The following GALNS variants were observed in gnomAD, a reference collection of about 807,000 sequenced individuals.
GALNS encodes N-acetylgalactosamine-6-sulfatase.
In GALNS, 65 loss-of-function variants were observed where a neutral mutation model predicts 65.9. That is an observed-to-expected ratio of 0.99 (90% CI 0.81 to 1.21). The LOEUF (loss-of-function observed/expected upper bound fraction) is 1.21. Ranked by LOEUF, GALNS falls within the 50% of genes most tolerant of loss-of-function variation. The pLI, the probability that GALNS is intolerant of heterozygous loss-of-function variation, is 0.00. For synonymous variants in GALNS, 346 were observed against 288.9 expected (o/e 1.20, Z -2.00); for missense variants, 776 against 700.7 (o/e 1.11, Z -1.21).
At chr16:88,818,934 A>G (rs1212308967) in intron 12 of GALNS, among the ~76,000 whole-genome samples, 1 of 152,038 alleles carries the variant, frequency 6.6e-6, no homozygotes, top group Non-Finnish European at 1.5e-5. Context: ...CGGAGCAGCC[A>G]CTCTGGAAGG....
At chr16:88,836,063 G>C (rs2269335) in intron 6 of GALNS, 138 bp downstream of exon 6, 2 of 1,036,318 alleles carry the variant, frequency 1.9e-6, no homozygotes, top group Non-Finnish European at 2.9e-6. Flanking sequence ...CGGGGCGAGG[G>C]TGATGAGGTC....
chr16:88,856,775 G>C lies in GALNS; in HGVS notation c.103C>G (p.Leu35Val). Reference sequence around the variant, plus strand: ...GCACTCACGTCGTCCATGAGCAGGAGCAGGATGTTGGGGGGCTGCGGGGCG... The same window carrying C: ...GCACTCACGTCGTCCATGAGCAGGACCAGGATGTTGGGGGGCTGCGGGGCG... ...SGAPQPPNIL[L>V]LLMDDMGWGD... The change falls in exon 1 of 14, where the codon CTC becomes GTC. Residue 35 changes from leucine to valine, a missense_variant. Physicochemically the swap from Leu to Val is conservative, Grantham distance 32. Transcript: ENST00000268695. The C allele has an allele frequency of 1.3e-6, 2 of 1,545,136 alleles. No individual in the cohort carries two copies. Among genetic ancestry groups the C allele is most frequent in the Admixed American group, 1.9e-5 (1 of 53,946 alleles).
chr16:88,855,535 A>C (rs1332044948), intron 1 of GALNS: 1 of 701,796 alleles, frequency 1.4e-6, no homozygotes, highest in East Asian at 2.7e-5. Flanking sequence ...GCACACAAAT[A>C]AGACATATGA....
At chr16:88,827,447 TTTTG>T (rs1331320159) in intron 9 of GALNS, among the ~76,000 whole-genome samples, 1 of 152,150 alleles carries the variant, frequency 6.6e-6, no homozygotes, top group African/African-American at 2.4e-5. Flanking sequence ...GCTTCTTGTT[TTTTG>T]TTTTTGTTTT....
At chr16:88,817,964 C>T (rs1014186235) in intron 13 of GALNS, 43 bp downstream of exon 13, 2 of 1,490,730 alleles carry the variant, frequency 1.3e-6, no homozygotes, top group East Asian at 2.4e-5. Flanking sequence ...TGGGTGGCTG[C>T]AGCCCCGGCA....
chr16:88,815,842 GGT>G (rs1909565119), intron 13 of GALNS: 1 of 984,558 alleles, frequency 1.0e-6, no homozygotes, highest in African/African-American at 1.8e-5. Flanking sequence ...GCAGCCGCAG[GGT>G]GTGTTTGAGT....
intron 2 of GALNS, 65 bp from the exon 3 acceptor site, chr16:88,842,036 C>A: frequency 7.1e-7 from 1 of 1,410,642 alleles, no homozygotes; most frequent in Non-Finnish European, 9.9e-7. Context: ...CGGGCGTCAA[C>A]AAGAGCCCCA....
At chr16:88,847,633 T>C (rs1209839174) in intron 1 of GALNS, among the ~76,000 whole-genome samples, 2 of 152,242 alleles carry the variant, frequency 1.3e-5, no homozygotes, top group Non-Finnish European at 2.9e-5. Context: ...GAGGCTCACT[T>C]TGGTCTCTCC....
chr16:88,835,183 A>T (rs759010904), intron 8 of GALNS, 30 bp downstream of exon 8: 1 of 1,558,464 alleles, frequency 6.4e-7, no homozygotes, highest in Non-Finnish European at 8.7e-7. Context: ...GGCTGTGGGG[A>T]AACCGTGAGA....
intron 9 of GALNS, 28 bp from the exon 10 acceptor site, chr16:88,826,866 G>C (rs1288947510): frequency 1.9e-6 from 3 of 1,558,332 alleles, no homozygotes; most frequent in Admixed American, 3.8e-5. Context: ...AACACGGTCA[G>C]GGCACTCTGC....
intron 10 of GALNS, 66 bp downstream of exon 10, chr16:88,826,626 GGGTTGCACCT>G: frequency 1.3e-6 from 2 of 1,538,916 alleles, no homozygotes; most frequent in Non-Finnish European, 1.8e-6. Context: ...CTGGGCCTGG[GGGTTGCACCT>G]GATTAGCAGC....
At chr16:88,848,513 G>C (rs1367879491) in intron 1 of GALNS, among the ~76,000 whole-genome samples, 1 of 150,804 alleles carries the variant, frequency 6.6e-6, no homozygotes, top group Non-Finnish European at 1.5e-5. Flanking sequence ...GGCGCCTGTG[G>C]TCCCAGCTAC....
At chr16:88,814,848 C>T (rs1017271310) in intron 13 of GALNS, among the ~76,000 whole-genome samples, 8 of 152,230 alleles carry the variant, frequency 5.3e-5, no homozygotes, top group Non-Finnish European at 2.9e-5. Flanking sequence ...ATCCACCTGC[C>T]TTGGCCTCCC....
intron 4 of GALNS, chr16:88,837,990 G>A: frequency 1.8e-6 from 1 of 553,806 alleles, no homozygotes. Flanking sequence ...CACAACCGAG[G>A]GCGGCAGGCA....
chr16:88,816,642 G>A, intron 13 of GALNS: 2 of 985,316 alleles, frequency 2.0e-6, no homozygotes, highest in Non-Finnish European at 2.4e-6. Context: ...CTGCTGGTAG[G>A]TGCTCCCGAT....
At chr16:88,842,504 A>C in intron 2 of GALNS, 1 of 648,686 alleles carries the variant, frequency 1.5e-6, no homozygotes, top group South Asian at 2.0e-5. Flanking sequence ...GACCCTGAAA[A>C]CCCAGCAGGT....
At chr16:88,844,162 C>T (rs1267935575) in intron 1 of GALNS, 1 of 148,922 alleles carries the variant, frequency 6.7e-6, no homozygotes, top group Non-Finnish European at 1.5e-5. Flanking sequence ...ACAATAAAAA[C>T]CCCAAGCAGG....
chr16:88,850,717 A>G (rs1967468220), intron 1 of GALNS, among the ~76,000 whole-genome samples: 1 of 152,208 alleles, frequency 6.6e-6, no homozygotes, highest in Non-Finnish European at 1.5e-5. Flanking sequence ...GCGGAGCCAC[A>G]CGGGACGCTC....
chr16:88,823,732 G>A (rs1186187543), intron 11 of GALNS, among the ~76,000 whole-genome samples: 3 of 142,038 alleles, frequency 2.1e-5, no homozygotes, highest in Admixed American at 6.9e-5. Flanking sequence ...CCTCGCAGGC[G>A]GCAATGCCCG....
Sources: gnomAD v4.1 joint callset for allele counts (sites outside exome capture counted in the v4.1 genomes callset) on GRCh38, gnomAD v4.1.1 for gene constraint, MANE v1.5 for transcripts, NCBI Gene and HGNC (gene_info 2026-07-23, HGNC 2026-07-21) for gene names.